Variants in HIP1 observed in about 807,000 individuals in gnomAD.
The protein encoded by HIP1 is huntingtin interacting protein 1.
In HIP1, 65 loss-of-function variants were observed where a neutral mutation model predicts 147.6. The ratio of observed to expected loss-of-function variants is 0.44; its 90% CI spans 0.36 to 0.54. The LOEUF (loss-of-function observed/expected upper bound fraction) is 0.54. HIP1 is among the 20% of genes least tolerant of loss of function. The pLI is 0.00. For missense variants in HIP1, 1,061 were observed against 1,299.6 expected (o/e 0.82, Z 2.82); for synonymous variants, 479 against 504.0 (o/e 0.95, Z 0.67).
chr7:75,655,648 G>A (rs1427979844), intron 1 of HIP1, among the ~76,000 whole-genome samples: 1 of 151,940 alleles, frequency 6.6e-6, no homozygotes, highest in East Asian at 1.9e-4. Context: ...GACACAAAGG[G>A]ATAAATATTG....
Position 75,537,387 on chromosome 7 carries a change from G to T in HIP1, c.*785C>A, listed in dbSNP as rs1936287308. ...GACTGGGTGGGCCAGCACTTGGTCA[G>T]TGTGGAGGCGGAGATGGAGCACCGA... On this transcript the variant is annotated 3_prime_UTR_variant, in exon 31 of 31. Transcript: ENST00000336926. 2 of 233,206 alleles carry T rather than the reference G, an allele frequency of 8.6e-6. No individual in the cohort carries two copies. Among genetic ancestry groups the T allele is most frequent in the Non-Finnish European group, 1.7e-5 (2 of 117,920 alleles). The allele number at this position is 233,206 out of a possible 1,614,324, so 14.4% of individuals were successfully genotyped here.
chr7:75,737,404 C>T (rs903363288), intron 1 of HIP1, among the ~76,000 whole-genome samples: 2 of 152,014 alleles, frequency 1.3e-5, no homozygotes, highest in Non-Finnish European at 1.5e-5. Context: ...AGTGCAGTGG[C>T]GCCATCTCGG....
intron 1 of HIP1, among the ~76,000 whole-genome samples, chr7:75,686,843 C>CTTTTTTTTTTTTTTTT (rs55942242): frequency 1.2e-5 from 1 of 80,140 alleles, no homozygotes; most frequent in Non-Finnish European, 2.3e-5. Context: ...TATTTTAGTT[C>CTTTTTTTTTTTTTTTT]TTTTTTTTTT....
intron 1 of HIP1, among the ~76,000 whole-genome samples, chr7:75,665,532 A>T (rs1396868821): frequency 2.1e-5 from 3 of 146,314 alleles, no homozygotes; most frequent in Admixed American, 7.1e-5. Context: ...AAAGCTTCTC[A>T]TTTTTCCGTA....
Position 75,593,244 on chromosome 7 carries a change from C to G in HIP1, c.185-730G>C, listed in dbSNP as rs141167494. On this transcript the variant is annotated intron_variant, in intron 2 of 30. Coordinates refer to ENST00000336926, the MANE Select transcript of HIP1 (RefSeq NM_005338.7). ...TTGGCCTCGCAAAGTGCTGGGGTTACAGGCATGAACCACTGTGTCTGGCCT... is the reference window on the plus strand; with the variant it reads ...TTGGCCTCGCAAAGTGCTGGGGTTAGAGGCATGAACCACTGTGTCTGGCCT... Among the ~76,000 whole-genome samples the G allele has an allele frequency of 9.2e-3, 1,398 of 152,304 alleles. 14 individuals carry two copies. Among genetic ancestry groups the G allele is most frequent in the African/African-American group, 0.032 (1,333 of 41,562 alleles).
intron 1 of HIP1, among the ~76,000 whole-genome samples, chr7:75,718,961 C>T (rs188680163): frequency 8.5e-5 from 13 of 152,188 alleles, no homozygotes; most frequent in Admixed American, 5.9e-4. Context: ...CAGATAAACC[C>T]GGAGACAAGG....
At chr7:75,629,536 C>T (rs1798143142) in intron 1 of HIP1, among the ~76,000 whole-genome samples, 1 of 138,896 alleles carries the variant, frequency 7.2e-6, no homozygotes, top group South Asian at 2.3e-4. Flanking sequence ...ATTGCGGCTC[C>T]CCCGCTTTTC....
intron 1 of HIP1, among the ~76,000 whole-genome samples, chr7:75,659,374 C>G: frequency 6.6e-6 from 1 of 152,146 alleles, no homozygotes. Context: ...GAAACATAAG[C>G]AGGGCCGGCC....
At chr7:75,706,498 TTTTA>T (rs1410899740) in intron 1 of HIP1, among the ~76,000 whole-genome samples, 1 of 145,952 alleles carries the variant, frequency 6.9e-6, no homozygotes, top group East Asian at 1.9e-4. Context: ...TTTTTTATTT[TTTTA>T]TTTTTTATTT....
chr7:75,720,234 C>T (rs1801458096), intron 1 of HIP1, among the ~76,000 whole-genome samples: 1 of 152,076 alleles, frequency 6.6e-6, no homozygotes, highest in African/African-American at 2.4e-5. Context: ...GATCTTGGCT[C>T]ACTGCAACCT....
In HIP1 at chr7:75,616,085, C is replaced by CAAAAAAAAAAA. The variant is rs71098042; in HGVS notation, c.121-16849_121-16839dup. 2.7e-3 allele frequency among the ~76,000 whole-genome samples: 94 copies of CAAAAAAAAAAA among 35,262 alleles called. 5 individuals carry two copies. The highest frequency in any genetic ancestry group is 4.0e-3 in the Admixed American group (10 of 2,530). The allele number at this position is 35,262 out of a possible 152,430, so 23.1% of individuals were successfully genotyped here. ...TGGGCGACAGAGTAAGACTCTGTCTCAAAAAAAAAAAAAAAAAAAAAGAAA... is the reference window on the plus strand; with the variant it reads ...TGGGCGACAGAGTAAGACTCTGTCTCAAAAAAAAAAAAAAAAAAAAAAAAAAAAAAAAGAAA... On this transcript the variant is annotated intron_variant, in intron 1 of 30. Coordinates refer to ENST00000336926, the MANE Select transcript of HIP1 (RefSeq NM_005338.7).
chr7:75,697,599 G>A (rs1470858253), intron 1 of HIP1, among the ~76,000 whole-genome samples: 1 of 152,144 alleles, frequency 6.6e-6, no homozygotes, highest in African/African-American at 2.4e-5. Flanking sequence ...GATCACTTGA[G>A]GTCAGGAGTT....
intron 1 of HIP1, among the ~76,000 whole-genome samples, chr7:75,716,826 A>C (rs2868138): frequency 9.0e-5 from 13 of 144,382 alleles, no homozygotes; most frequent in African/African-American, 2.8e-4. Context: ...GCTTTTTTTT[A>C]GGGGGGGGGA....
Position 75,712,275 on chromosome 7 carries a change from G to C in HIP1, c.120+26526C>G, listed in dbSNP as rs143988505. On this transcript the variant is annotated intron_variant, in intron 1 of 30. Coordinates refer to ENST00000336926, the MANE Select transcript of HIP1 (RefSeq NM_005338.7). ...TATCTGTGCCGGGAAGCTATATTTA[G>C]CTACTATTTGGCCCTCAAAATGAGC... 5.9e-3 allele frequency among the ~76,000 whole-genome samples: 900 copies of C among 152,268 alleles called. 7 individuals carry two copies. Among genetic ancestry groups the C allele is most frequent in the Admixed American group, 0.012 (190 of 15,276 alleles).
At chr7:75,545,056 T>C (rs998346515) in intron 26 of HIP1, 32 bp downstream of exon 26, 36 of 1,324,200 alleles carry the variant, frequency 2.7e-5, no homozygotes, top group African/African-American at 1.2e-4. Flanking sequence ...AGAGGGGTCA[T>C]GGGAGGACCC....
rs1482474246 is a variant in HIP1 at position 75,544,746 on chromosome 7, C to A, written c.2715G>T (p.Val905=). 6.2e-7 allele frequency: 1 copy of A among 1,613,888 alleles called. No homozygotes were observed. Among genetic ancestry groups the A allele is most frequent in the Non-Finnish European group, 8.5e-7 (1 of 1,179,842 alleles). Residue 905 remains valine (V), a synonymous_variant, in exon 27 of 31, where the codon GTG becomes GTT. Transcript: ENST00000336926. The part of the protein sequence containing the change: ...QGRGKFEELM[V]CSHEIAASTA... Reference sequence around the variant, plus strand: ...TGCTAGCAGCAATTTCATGAGAACACACCATTAGCTCCTCAAATTTCCCTC... The same window carrying A: ...TGCTAGCAGCAATTTCATGAGAACAAACCATTAGCTCCTCAAATTTCCCTC...
At chr7:75,731,524 T>C (rs1801838790) in intron 1 of HIP1, among the ~76,000 whole-genome samples, 2 of 119,138 alleles carry the variant, frequency 1.7e-5, no homozygotes, top group Admixed American at 8.5e-5. Context: ...GTCAAGTAAA[T>C]GGAAAAATGG....
chr7:75,629,652 C>T (rs1298699515), intron 1 of HIP1, among the ~76,000 whole-genome samples: 1 of 151,966 alleles, frequency 6.6e-6, no homozygotes, highest in East Asian at 1.9e-4. Flanking sequence ...AGGCGATTCT[C>T]GTGCCTCAGC....
At chr7:75,559,364 T>C (rs1158395880) in intron 14 of HIP1, among the ~76,000 whole-genome samples, 3 of 152,164 alleles carry the variant, frequency 2.0e-5, no homozygotes, top group African/African-American at 7.2e-5. Context: ...AGTCCTTCCA[T>C]CCTGGCCTCC....
Sources: gnomAD v4.1 joint callset for allele counts (sites outside exome capture counted in the v4.1 genomes callset) on GRCh38, gnomAD v4.1.1 for gene constraint, MANE v1.5 for transcripts, NCBI Gene and HGNC (gene_info 2026-07-23, HGNC 2026-07-21) for gene names.